The following GNG7 variants were observed in gnomAD, a reference collection of about 807,000 sequenced individuals.
The protein encoded by GNG7 is guanine nucleotide-binding protein G(I)/G(S)/G(O) subunit gamma-7.
Under a neutral mutation model 4.0 loss-of-function variants are expected in GNG7, and 1 was observed. That is an observed-to-expected ratio of 0.25 (90% CI 0.09 to 1.18). The LOEUF (loss-of-function observed/expected upper bound fraction) is 1.18, where lower values mean the gene tolerates loss of function less well. GNG7 is among the 50% of genes most tolerant of loss of function. The pLI, the probability that GNG7 is intolerant of heterozygous loss-of-function variation, is 0.50. For synonymous variants in GNG7, 34 were observed against 36.9 expected, an observed-to-expected ratio of 0.92 and a Z score of 0.29; for missense variants, 86 against 91.9, an observed-to-expected ratio of 0.94 and a Z score of 0.26.
At chr19:2,559,139 T>C (rs536314839) in intron 2 of GNG7, among the ~76,000 whole-genome samples, 105 of 151,528 alleles carry the variant, frequency 6.9e-4, no homozygotes, top group African/African-American at 1.6e-3. Context: ...TATATATATA[T>C]ACACACACAC....
In GNG7 at chr19:2,661,275, AAAG is replaced by A. The variant is rs1568277690; in HGVS notation, c.-134-14998_-134-14996del. On this transcript the variant is annotated intron_variant, in intron 1 of 4. Transcript: ENST00000382159. ...AAAGAAAGAAAGAAAGAAAGAAAAG[AAAG>A]AAAGAAAGAAAGAAAGAAAGAAAGA... Among the ~76,000 whole-genome samples the A allele has an allele frequency of 2.1e-3, 27 of 12,770 alleles. 1 individual carries two copies. Among genetic ancestry groups the A allele is most frequent in the African/African-American group, 4.5e-3 (25 of 5,570 alleles). The allele number at this position is 12,770 out of a possible 152,430, so 8.4% of individuals were successfully genotyped here.
At chr19:2,554,557 A>ATTT (rs1462834239) in intron 3 of GNG7, among the ~76,000 whole-genome samples, 5 of 71,712 alleles carry the variant, frequency 7.0e-5, no homozygotes, top group African/African-American at 2.8e-4. Flanking sequence ...ATATATATAT[A>ATTT]TATTTTTTTT....
chr19:2,642,626 C>G (rs568703499), intron 2 of GNG7: 61 of 367,784 alleles, frequency 1.7e-4, no homozygotes, highest in African/African-American at 1.0e-3. Flanking sequence ...TTCAGCCCCC[C>G]ACTAGCAGGG....
rs1981772090 is a variant in GNG7, at chr19:2,618,234, G to A, written c.-78+27990C>T. On this transcript the variant is annotated intron_variant, in intron 2 of 4. Transcript: ENST00000382159. The surrounding 1 kb of genome is among the most constrained non-coding windows in gnomAD (Gnocchi z 5.1). Reference sequence around the variant, plus strand: ...TTCCACTCACCAGCTTCTCCATCTTGCCCAAATCCCTGCCAACCCCAGGGC... The same window carrying A: ...TTCCACTCACCAGCTTCTCCATCTTACCCAAATCCCTGCCAACCCCAGGGC... Among the ~76,000 whole-genome samples, 1 of 152,022 alleles carries A rather than the reference G, an allele frequency of 6.6e-6. No homozygotes were observed. Among genetic ancestry groups the A allele is most frequent in the South Asian group, 2.1e-4 (1 of 4,822 alleles).
At chr19:2,555,541 C>T (rs1379500577) in intron 2 of GNG7, among the ~76,000 whole-genome samples, 1 of 152,194 alleles carries the variant, frequency 6.6e-6, no homozygotes, top group East Asian at 1.9e-4. Flanking sequence ...TACCCAGGCA[C>T]GGCGCCTTCC....
At chr19:2,582,656 ATTTTT>A (rs35625825) in intron 2 of GNG7, among the ~76,000 whole-genome samples, 2 of 86,144 alleles carry the variant, frequency 2.3e-5, no homozygotes, top group Non-Finnish European at 2.2e-5. Context: ...CTAATTGTTA[ATTTTT>A]TTTTTTTTTT....
intron 1 of GNG7, among the ~76,000 whole-genome samples, chr19:2,657,900 CCT>C (rs111871407): frequency 3.5e-4 from 52 of 147,086 alleles, no homozygotes; most frequent in East Asian, 3.9e-4. Flanking sequence ...TAAGCTGTCT[CCT>C]CTCTCTCTCT....
At chr19:2,682,697 G>A (rs956343216) in intron 1 of GNG7, among the ~76,000 whole-genome samples, 1 of 149,702 alleles carries the variant, frequency 6.7e-6, no homozygotes, top group Non-Finnish European at 1.5e-5. Context: ...CTACAGGGAG[G>A]CAGGGGTCAT....
chr19:2,667,254 G>A (rs1224186462), intron 1 of GNG7, among the ~76,000 whole-genome samples: 1 of 152,046 alleles, frequency 6.6e-6, no homozygotes, highest in East Asian at 1.9e-4. Context: ...CCCGGGAGGC[G>A]GAGGTTGCAG....
At chr19:2,664,727 C>A (rs935297355) in intron 1 of GNG7, among the ~76,000 whole-genome samples, 1 of 151,514 alleles carries the variant, frequency 6.6e-6, no homozygotes, top group African/African-American at 2.4e-5. Flanking sequence ...GAGCAGGGAG[C>A]AAACTCATTT....
intron 2 of GNG7, among the ~76,000 whole-genome samples, chr19:2,607,507 C>T (rs1214718538): frequency 1.2e-4 from 15 of 128,788 alleles, no homozygotes; most frequent in African/African-American, 2.7e-4. Context: ...CCAGCCTGGG[C>T]GACAAGAGTG....
chr19:2,575,907 G>A (rs1025132267), intron 2 of GNG7, among the ~76,000 whole-genome samples: 5 of 147,452 alleles, frequency 3.4e-5, no homozygotes, highest in Admixed American at 1.4e-4. Context: ...GCAGGCACAC[G>A]CAGGCATACA....
chr19:2,682,349 A>G (rs1432413982), intron 1 of GNG7, among the ~76,000 whole-genome samples: 1 of 152,120 alleles, frequency 6.6e-6, no homozygotes, highest in Non-Finnish European at 1.5e-5. Context: ...TGCAAAATGC[A>G]GACAGAGCCA....
At chr19:2,655,191 A>G (rs1232061970) in intron 1 of GNG7, among the ~76,000 whole-genome samples, 1 of 149,626 alleles carries the variant, frequency 6.7e-6, no homozygotes, top group Admixed American at 6.7e-5. Flanking sequence ...TCTGTCTCAA[A>G]AAAAAAAAAA....
intron 1 of GNG7, among the ~76,000 whole-genome samples, chr19:2,674,125 G>A (rs1983535354): frequency 1.3e-5 from 2 of 152,150 alleles, no homozygotes; most frequent in Admixed American, 6.5e-5. Context: ...CTAGCCAGGT[G>A]TAGTGGCACC....
intron 2 of GNG7, among the ~76,000 whole-genome samples, chr19:2,644,327 T>TTATATATA (rs56143197): frequency 4.7e-4 from 54 of 114,376 alleles, no homozygotes; most frequent in South Asian, 8.8e-4. Context: ...GGCCTACACT[T>TTATATATA]TATATATATA....
At chr19:2,532,903 G>A (rs1258516094) in intron 3 of GNG7, among the ~76,000 whole-genome samples, 2 of 152,062 alleles carry the variant, frequency 1.3e-5, no homozygotes, top group Non-Finnish European at 2.9e-5. Context: ...TTATAAGGCT[G>A]AACACATACC....
chr19:2,697,795 C>G (rs914478905), intron 1 of GNG7, among the ~76,000 whole-genome samples: 2 of 149,910 alleles, frequency 1.3e-5, no homozygotes, highest in African/African-American at 2.5e-5. Context: ...GTCCCCCCCC[C>G]CGCCCGTCTC....
intron 2 of GNG7, among the ~76,000 whole-genome samples, chr19:2,576,435 C>T (rs1980343051): frequency 6.6e-6 from 1 of 152,236 alleles, no homozygotes; most frequent in African/African-American, 2.4e-5. Flanking sequence ...ACAGGGCGGG[C>T]CGCGGCAGGC....
Sources: allele counts gnomAD v4.1 joint callset (sites outside exome capture counted in the v4.1 genomes callset), GRCh38; gene constraint gnomAD v4.1.1; non-coding constraint Gnocchi (gnomAD v3.1); transcripts MANE v1.5; gene names NCBI Gene and HGNC (gene_info 2026-07-23, HGNC 2026-07-21).